Variants in SLC9A9 observed in about 807,000 individuals in gnomAD.
SLC9A9 encodes the protein solute carrier family 9 member A9.
In SLC9A9, 62 loss-of-function variants were observed where a neutral mutation model predicts 77.8. The observed-to-expected ratio is 0.80, with a 90% CI of 0.65 to 0.98. The LOEUF is 0.98. Among genes scored for constraint, SLC9A9 ranks in the 50% least tolerant of loss-of-function variants. The probability of loss-of-function intolerance (pLI) is 0.00; values close to 1 mark genes in which losing one functional copy is unlikely to be tolerated. For synonymous variants in SLC9A9, 320 were observed against 283.5 expected, an observed-to-expected ratio of 1.13 and a Z score of -1.29; for missense variants, 775 against 774.9, an observed-to-expected ratio of 1.00 and a Z score of 0.00.
rs1054195242 is a variant in SLC9A9, at chr3:143,328,175, C to T, written c.1604+35309G>A. On this transcript the variant is annotated intron_variant, in intron 14 of 15. Coordinates refer to ENST00000316549, the MANE Select transcript of SLC9A9 (RefSeq NM_173653.4). ...AAAACCCACGGAATGCATAACACAA[C>T]CTCAATGTAAACTATGGACTTCGGC... Among the ~76,000 whole-genome samples, 4 of 152,148 alleles carry T rather than the reference C, an allele frequency of 2.6e-5. 1 individual carries two copies. The highest frequency in any genetic ancestry group is 2.6e-4 in the Admixed American group (4 of 15,272).
At chr3:143,784,217 C>G (rs2007972994) in intron 4 of SLC9A9, among the ~76,000 whole-genome samples, 1 of 152,196 alleles carries the variant, frequency 6.6e-6, no homozygotes, top group Non-Finnish European at 1.5e-5. Flanking sequence ...TCCGTGAATA[C>G]CCTTTGCTTT....
intron 6 of SLC9A9, among the ~76,000 whole-genome samples, chr3:143,634,616 G>C (rs1295525538): frequency 1.3e-5 from 2 of 151,962 alleles, no homozygotes; most frequent in Non-Finnish European, 2.9e-5. Flanking sequence ...ATTTTTGTTT[G>C]CTTGATACTT....
At chr3:143,408,119 C>T (rs67478180) in intron 12 of SLC9A9, among the ~76,000 whole-genome samples, 24,584 of 152,158 alleles carry the variant, frequency 0.16, 2,491 homozygotes, top group Middle Eastern at 0.24. Flanking sequence ...TCTATCAGAT[C>T]GGGGCCCAAT....
chr3:143,782,613 T>G (rs1302826385), intron 4 of SLC9A9, among the ~76,000 whole-genome samples: 1 of 152,214 alleles, frequency 6.6e-6, no homozygotes, highest in Non-Finnish European at 1.5e-5. Flanking sequence ...GAATGCTGAA[T>G]GGTCAGTTTA....
At chr3:143,704,861 A>T (rs541333919) in intron 4 of SLC9A9, among the ~76,000 whole-genome samples, 20 of 152,190 alleles carry the variant, frequency 1.3e-4, no homozygotes, top group Admixed American at 1.3e-3. Context: ...ACATTGTGGT[A>T]CATGCCTGTA....
chr3:143,343,070 G>GTGTT (rs1316905825), intron 14 of SLC9A9, among the ~76,000 whole-genome samples: 1 of 152,106 alleles, frequency 6.6e-6, no homozygotes, highest in African/African-American at 2.4e-5. Context: ...CTATTTTCTA[G>GTGTT]TGTTTGTTTA....
chr3:143,325,326 C>T (rs1395722791), intron 14 of SLC9A9, among the ~76,000 whole-genome samples: 1 of 152,194 alleles, frequency 6.6e-6, no homozygotes, highest in Non-Finnish European at 1.5e-5. Flanking sequence ...CTGAGAAGTG[C>T]CTGTAATACT....
At chr3:143,759,629 C>T (rs986641458) in intron 4 of SLC9A9, among the ~76,000 whole-genome samples, 2 of 151,878 alleles carry the variant, frequency 1.3e-5, no homozygotes, top group Non-Finnish European at 2.9e-5. Flanking sequence ...ATGAGACCTC[C>T]TCTATCCTCA....
chr3:143,394,702 C>G (rs2033682872), intron 12 of SLC9A9, among the ~76,000 whole-genome samples: 1 of 152,114 alleles, frequency 6.6e-6, no homozygotes, highest in African/African-American at 2.4e-5. Context: ...TCTACAAAAC[C>G]CCATCGTCTC....
intron 8 of SLC9A9, among the ~76,000 whole-genome samples, chr3:143,555,449 AG>A (rs2036964004): frequency 6.6e-6 from 1 of 152,224 alleles, no homozygotes; most frequent in Non-Finnish European, 1.5e-5. Flanking sequence ...GAGCAGTACC[AG>A]GCACATGGTA....
At chr3:143,828,403 TA>T (rs1221196709) in intron 2 of SLC9A9, among the ~76,000 whole-genome samples, 1 of 152,066 alleles carries the variant, frequency 6.6e-6, no homozygotes, top group Non-Finnish European at 1.5e-5. Context: ...CATTGGTCAG[TA>T]AAAAAGGTAT....
intron 14 of SLC9A9, among the ~76,000 whole-genome samples, chr3:143,341,842 C>T (rs560721564): frequency 1.3e-5 from 2 of 152,242 alleles, no homozygotes; most frequent in South Asian, 4.2e-4. Flanking sequence ...GGGGATAGAT[C>T]CAGATTTCAT....
chr3:143,621,200 C>T (rs1413743259), intron 6 of SLC9A9, among the ~76,000 whole-genome samples: 2 of 152,202 alleles, frequency 1.3e-5, no homozygotes, highest in East Asian at 1.9e-4. Context: ...CAGGGCATTG[C>T]CAAACAAAAG....
chr3:143,454,208 T>C (rs888058454), intron 12 of SLC9A9, among the ~76,000 whole-genome samples: 6 of 152,234 alleles, frequency 3.9e-5, no homozygotes, highest in African/African-American at 1.4e-4. Context: ...ATTGTATTTT[T>C]ACCTTATAAT....
chr3:143,375,836 C>T (rs2033170835), intron 13 of SLC9A9, among the ~76,000 whole-genome samples: 2 of 152,310 alleles, frequency 1.3e-5, no homozygotes, highest in Middle Eastern at 3.4e-3. Flanking sequence ...ATATCTCTGA[C>T]TCATAGCTTA....
At chr3:143,324,964 C>G (rs866344939) in intron 14 of SLC9A9, among the ~76,000 whole-genome samples, 4 of 151,218 alleles carry the variant, frequency 2.6e-5, no homozygotes, top group Non-Finnish European at 5.9e-5. Flanking sequence ...GTTCCCTGAA[C>G]AAACATTTTC....
At chr3:143,748,500 TC>T (rs1171824872) in intron 4 of SLC9A9, among the ~76,000 whole-genome samples, 3 of 152,152 alleles carry the variant, frequency 2.0e-5, no homozygotes, top group Non-Finnish European at 4.4e-5. Flanking sequence ...AAAATTCCCC[TC>T]ACTAAATGTC....
chr3:143,757,383 C>T (rs570501481), intron 4 of SLC9A9, among the ~76,000 whole-genome samples: 12 of 152,198 alleles, frequency 7.9e-5, no homozygotes, highest in African/African-American at 2.2e-4. Flanking sequence ...TTTTATAAAA[C>T]ATGCTTCAGG....
At chr3:143,808,899 TG>T (rs1159108390) in intron 2 of SLC9A9, among the ~76,000 whole-genome samples, 1 of 152,192 alleles carries the variant, frequency 6.6e-6, no homozygotes, top group East Asian at 1.9e-4. Flanking sequence ...ATAAAATATT[TG>T]AACGAATATT....
Sources: allele counts gnomAD v4.1 joint callset (sites outside exome capture counted in the v4.1 genomes callset), GRCh38; gene constraint gnomAD v4.1.1; transcripts MANE v1.5; gene names NCBI Gene and HGNC (gene_info 2026-07-23, HGNC 2026-07-21).